RGS6: variants seen among roughly 807,000 people sequenced by gnomAD.
RGS6 encodes the protein regulator of G protein signaling 6, also known as regulator of G-protein signaling 6.
In RGS6, 30 loss-of-function variants were observed where a neutral mutation model predicts 78.5. The observed-to-expected ratio is 0.38, with a 90% CI of 0.29 to 0.52. RGS6 has a LOEUF of 0.52. Ranked by LOEUF, RGS6 falls within the 20% of genes least tolerant of loss-of-function variation. RGS6 has a pLI of 0.85. For synonymous variants in RGS6, 206 were observed against 206.0 expected (o/e 1.00, Z 0.00); for missense variants, 495 against 609.7 (o/e 0.81, Z 1.98).
chr14:71,991,621 C>A (rs1013424874), intron 2 of RGS6, among the ~76,000 whole-genome samples: 56 of 152,202 alleles, frequency 3.7e-4, no homozygotes, highest in African/African-American at 1.2e-3. Flanking sequence ...CATGTAACAA[C>A]CCCCTGCTCA....
intron 3 of RGS6, among the ~76,000 whole-genome samples, chr14:72,437,930 T>A (rs1030325654): frequency 2.0e-5 from 3 of 152,206 alleles, no homozygotes; most frequent in Non-Finnish European, 2.9e-5. Flanking sequence ...AGTTTAAACT[T>A]GTTATTAATC....
chr14:72,063,086 G>A (rs2093972199), intron 2 of RGS6, among the ~76,000 whole-genome samples: 1 of 152,278 alleles, frequency 6.6e-6, no homozygotes, highest in African/African-American at 2.4e-5. Flanking sequence ...GGCCTCCAAA[G>A]TGCTGAGATT....
intron 2 of RGS6, among the ~76,000 whole-genome samples, chr14:72,039,813 ATTTTT>A (rs3053082): frequency 4.4e-5 from 3 of 68,874 alleles, no homozygotes; most frequent in East Asian, 5.7e-4. Flanking sequence ...TGTTTCATTG[ATTTTT>A]TTTTTTTTTT....
intron 12 of RGS6, among the ~76,000 whole-genome samples, chr14:72,494,880 G>A (rs746233024): frequency 2.0e-5 from 3 of 152,102 alleles, no homozygotes; most frequent in Non-Finnish European, 2.9e-5. Flanking sequence ...AGGGAGAGAT[G>A]CACCAAGGTT....
At chr14:72,252,852 T>G (rs964601654) in intron 2 of RGS6, among the ~76,000 whole-genome samples, 1 of 152,208 alleles carries the variant, frequency 6.6e-6, no homozygotes, top group African/African-American at 2.4e-5. Flanking sequence ...TCTAGATTCA[T>G]GGTCTATTAA....
intron 2 of RGS6, among the ~76,000 whole-genome samples, chr14:72,349,711 C>G (rs553583391): frequency 1.3e-5 from 2 of 152,276 alleles, no homozygotes; most frequent in Admixed American, 1.3e-4. Flanking sequence ...AATGAGCCTT[C>G]TAAGATTCAG....
At chr14:72,191,186 G>A (rs971986678) in intron 2 of RGS6, among the ~76,000 whole-genome samples, 19 of 152,188 alleles carry the variant, frequency 1.2e-4, no homozygotes, top group African/African-American at 4.6e-4. Context: ...GTACTAGCAT[G>A]CAAAATTTAA....
In RGS6 at chr14:71,932,798, C is replaced by G. The variant is rs2088042837; in HGVS notation, c.-164C>G. The G allele has an allele frequency of 6.6e-6, 1 of 152,230 alleles. No individual in the cohort carries two copies. 9.4% of individuals were successfully genotyped at this position (152,230 alleles called of 1,614,324 possible). ...CTGTGGGGAGCGGCGCGGAGACGGA[C>G]TAGACTTCCCCTCCGCCCCCAAGAG... On this transcript the variant is annotated 5_prime_UTR_variant, in exon 1 of 18. Coordinates refer to ENST00000553525, the MANE Select transcript of RGS6 (RefSeq NM_001204424.2).
At chr14:72,537,430 A>G in intron 16 of RGS6, 1 of 701,668 alleles carries the variant, frequency 1.4e-6, no homozygotes, top group Non-Finnish European at 2.6e-6. Context: ...CCCTGGAAAG[A>G]GGCCATGGAG....
rs539801742 is a variant in RGS6 at position 72,400,744 on chromosome 14, G to A, written c.184+48550G>A. Reference sequence around the variant, plus strand: ...AGCCAGACTCACTTTTATAAAAATGGGATGATACTATAAATTCACTTCCGT... The same window carrying A: ...AGCCAGACTCACTTTTATAAAAATGAGATGATACTATAAATTCACTTCCGT... On this transcript the variant is annotated intron_variant, in intron 3 of 17. Transcript: ENST00000553525. 2.4e-4 allele frequency among the ~76,000 whole-genome samples: 37 copies of A among 152,300 alleles called. No individual in the cohort carries two copies. In the South Asian group the frequency reaches 7.5e-3, roughly 31 times the overall value.
At chr14:72,077,982 C>T (rs979330952) in intron 2 of RGS6, among the ~76,000 whole-genome samples, 4 of 152,124 alleles carry the variant, frequency 2.6e-5, no homozygotes, top group African/African-American at 9.7e-5. Context: ...GTATTTTTCT[C>T]CCACTGATGG....
intron 3 of RGS6, among the ~76,000 whole-genome samples, chr14:72,437,467 T>G (rs1307220567): frequency 6.6e-6 from 1 of 152,164 alleles, no homozygotes; most frequent in Non-Finnish European, 1.5e-5. Context: ...TGGGTCCTAT[T>G]GTATTCCCTT....
the RGS6 span, among the ~76,000 whole-genome samples, chr14:72,629,161 G>C: frequency 0.046 from 6,989 of 152,242 alleles, 198 homozygotes; most frequent in Middle Eastern, 0.1. Context: ...TTATCCTTTT[G>C]AGATACATAT....
intron 3 of RGS6, among the ~76,000 whole-genome samples, chr14:72,419,588 A>G (rs114501523): frequency 0.03 from 4,526 of 152,330 alleles, 232 homozygotes; most frequent in African/African-American, 0.1. Context: ...ACTGTTAATC[A>G]GCCATTTCCT....
chr14:72,031,108 G>GT (rs1226325731), intron 2 of RGS6, among the ~76,000 whole-genome samples: 1 of 151,856 alleles, frequency 6.6e-6, no homozygotes, highest in African/African-American at 2.4e-5. Context: ...AGTAGACTCA[G>GT]TTTTTTTCAG....
At chr14:72,500,335 A>G (rs1005002103) in intron 13 of RGS6, among the ~76,000 whole-genome samples, 13 of 152,170 alleles carry the variant, frequency 8.5e-5, no homozygotes, top group Non-Finnish European at 1.6e-4. Context: ...TTCTTCTCCC[A>G]ACAGACTACT....
intron 17 of RGS6, among the ~76,000 whole-genome samples, 191 bp from the exon 18 acceptor site, chr14:72,562,226 C>T (rs1293210788): frequency 6.6e-6 from 1 of 152,206 alleles, no homozygotes; most frequent in Non-Finnish European, 1.5e-5. Context: ...TCCCTGGAGC[C>T]CTGGTTTCTC....
At chr14:72,392,002 C>T (rs1312350022) in intron 3 of RGS6, among the ~76,000 whole-genome samples, 6 of 151,952 alleles carry the variant, frequency 3.9e-5, no homozygotes, top group South Asian at 4.1e-4. Flanking sequence ...CTATTATTGA[C>T]GTTTAACATC....
intron 3 of RGS6, 111 bp from the exon 4 acceptor site, chr14:72,454,417 C>T: frequency 9.0e-7 from 1 of 1,109,398 alleles, no homozygotes; most frequent in African/African-American, 1.5e-5. Context: ...TATTATCCTG[C>T]TCTACAGTGT....
Sources: allele counts gnomAD v4.1 joint callset (sites outside exome capture counted in the v4.1 genomes callset), GRCh38; gene constraint gnomAD v4.1.1; transcripts MANE v1.5; gene names NCBI Gene and HGNC (gene_info 2026-07-23, HGNC 2026-07-21).